Variants in CAVIN4 observed in about 807,000 individuals in gnomAD.
CAVIN4 encodes the protein caveolae associated protein 4.
Under a neutral mutation model 18.6 loss-of-function variants are expected in CAVIN4, and 10 were observed. The observed-to-expected ratio is 0.54, with a 90% CI of 0.33 to 0.91. The LOEUF (loss-of-function observed/expected upper bound fraction) is 0.91, where lower values mean the gene tolerates loss of function less well. Among genes scored for constraint, CAVIN4 ranks in the 40% least tolerant of loss-of-function variants. CAVIN4 has a pLI of 0.02. For synonymous variants in CAVIN4, 173 were observed against 164.8 expected, an observed-to-expected ratio of 1.05 and a Z score of -0.38; for missense variants, 459 against 440.5, an observed-to-expected ratio of 1.04 and a Z score of -0.38.
At chr9:100,585,630 A>T in intron 1 of CAVIN4, 135 bp from the exon 2 acceptor site, 3 of 751,354 alleles carry the variant, frequency 4.0e-6, no homozygotes, top group Non-Finnish European at 6.8e-6. Context: ...GAGAAACCCT[A>T]AGAAATGGTA....
intron 1 of CAVIN4, among the ~76,000 whole-genome samples, chr9:100,581,912 A>C (rs1253642781): frequency 2.6e-5 from 4 of 152,210 alleles, no homozygotes; most frequent in Non-Finnish European, 5.9e-5. Flanking sequence ...TCAGAGAGCT[A>C]TGAGACGCCC....
Position 100,587,177 on chromosome 9 carries a change from T to A in CAVIN4, c.*726T>A, listed in dbSNP as rs1225297473. On this transcript the variant is annotated 3_prime_UTR_variant, in exon 2 of 2. Transcript: ENST00000307584. ...TCCTAGGTTGGAGAGAAACTAAAGCTGGTCTTCAGAAGCCTTTTCACAGAA... is the reference window on the plus strand; with the variant it reads ...TCCTAGGTTGGAGAGAAACTAAAGCAGGTCTTCAGAAGCCTTTTCACAGAA... 1 of 152,210 alleles carries A rather than the reference T, an allele frequency of 6.6e-6. No individual in the cohort carries two copies. The highest frequency in any genetic ancestry group is 2.4e-5 in the African/African-American group (1 of 41,440). 9.4% of individuals were successfully genotyped at this position (152,210 alleles called of 1,614,324 possible). A position where few individuals can be genotyped will look rare whatever the true frequency, so the allele number is the denominator to read the frequency against.
In CAVIN4 at chr9:100,586,417, A is replaced by G. The variant is rs1256422875; in HGVS notation, c.1061A>G (p.Glu354Gly). Residue 354 changes from glutamate (E) to glycine (G), a missense_variant, in exon 2 of 2, where the codon GAA becomes GGA. Coordinates refer to ENST00000307584, the MANE Select transcript of CAVIN4 (RefSeq NM_001018116.2). Reference sequence around the variant, plus strand: ...TCTCAGGTGAAAGTAGAGGATGATGAATCTCTTTTGTTAGATTTAAAGCAC... The same window carrying G: ...TCTCAGGTGAAAGTAGAGGATGATGGATCTCTTTTGTTAGATTTAAAGCAC... ...FKSQVKVEDD[E>G]SLLLDLKHSS is the part of the protein sequence containing the mutation. 2 of 1,613,982 alleles carry G rather than the reference A, an allele frequency of 1.2e-6. No individual in the cohort carries two copies. Among genetic ancestry groups the G allele is most frequent in the East Asian group, 4.5e-5 (2 of 44,892 alleles).
rs1470506582 is a variant in CAVIN4 at position 100,578,109 on chromosome 9, G to A, written c.-35G>A. On this transcript the variant is annotated 5_prime_UTR_variant, in exon 1 of 2. In the 5' UTR this introduces an upstream ATG that the reference lacks. Transcript: ENST00000307584. Reference sequence around the variant, plus strand: ...TTTGCTCCAAGTGCCAGAATTGATTGTGGTTAGGACATCTTACGCTGAGAA... The same window carrying A: ...TTTGCTCCAAGTGCCAGAATTGATTATGGTTAGGACATCTTACGCTGAGAA... 4 of 1,610,684 alleles carry A rather than the reference G, an allele frequency of 2.5e-6. No individual in the cohort carries two copies. The highest frequency in any genetic ancestry group is 2.5e-6 in the Non-Finnish European group (3 of 1,178,474).
upstream of CAVIN4, chr9:100,578,024 C>G (rs1026300846): frequency 6.6e-6 from 6 of 914,536 alleles, no homozygotes; most frequent in Admixed American, 5.9e-5. Context: ...CTTGACCGTT[C>G]TCTAGGGGTG....
In CAVIN4 at chr9:100,585,700, A is replaced by C. The variant is rs993241024; in HGVS notation, c.409-65A>C. On this transcript the variant is annotated intron_variant, in intron 1 of 1. Coordinates refer to ENST00000307584, the MANE Select transcript of CAVIN4 (RefSeq NM_001018116.2). ...TGGAGATTTACAAGGCATGGCCAGA[A>C]GGTAAAAGAGCTGCTCTATAGTGCA... The C allele has an allele frequency of 6.4e-6, 8 of 1,252,164 alleles. No individual in the cohort carries two copies. In the Admixed American group the frequency reaches 1.4e-4, roughly 22 times the overall value. 77.6% of individuals were successfully genotyped at this position (1,252,164 alleles called of 1,614,324 possible). A position where few individuals can be genotyped will look rare whatever the true frequency, so the allele number is the denominator to read the frequency against.
chr9:100,579,762 A>G (rs1250151976), intron 1 of CAVIN4, among the ~76,000 whole-genome samples: 1 of 152,192 alleles, frequency 6.6e-6, no homozygotes, highest in African/African-American at 2.4e-5. Flanking sequence ...AGAAGAATAT[A>G]AACTAAATGA....
At position 100,588,113 on chromosome 9, in the gene CAVIN4, A is replaced by G. The variant is rs1839503163; in HGVS notation, c.*1662A>G. 6.6e-6 allele frequency among the ~76,000 whole-genome samples: 1 copy of G among 152,228 alleles called. No homozygotes were observed. The highest frequency in any genetic ancestry group is 1.5e-5 in the Non-Finnish European group (1 of 68,038). ...TAAGTGTACACATATACACACAGGCATACATAAATCGGCTTTAAAATATTT... is the reference window on the plus strand; with the variant it reads ...TAAGTGTACACATATACACACAGGCGTACATAAATCGGCTTTAAAATATTT... On this transcript the variant is annotated 3_prime_UTR_variant, in exon 2 of 2. Coordinates refer to ENST00000307584, the MANE Select transcript of CAVIN4 (RefSeq NM_001018116.2).
Position 100,585,837 on chromosome 9 carries a change from G to A in CAVIN4, c.481G>A (p.Asp161Asn), listed in dbSNP as rs1385539207. The change falls in exon 2 of 2, where the codon GAT becomes AAT. Residue 161 changes from aspartate (D) to asparagine (N), a missense_variant. Asp to Asn is a conservative substitution (Grantham distance 23). Coordinates refer to ENST00000307584, the MANE Select transcript of CAVIN4 (RefSeq NM_001018116.2). ...CCTAACTGAGAACCAAGAAGAGGAT[G>A]ATGATGATATCTTTGATCCCCCAGT... ...RNLTENQEED[D>N]DDIFDPPVDL... The A allele has an allele frequency of 6.2e-7, 1 of 1,614,076 alleles. No individual in the cohort carries two copies. The highest frequency in any genetic ancestry group is 8.5e-7 in the Non-Finnish European group (1 of 1,180,016).
chr9:100,578,587 A>T (rs767550415), intron 1 of CAVIN4, 36 bp downstream of exon 1: 1 of 1,604,766 alleles, frequency 6.2e-7, no homozygotes, highest in Middle Eastern at 1.7e-4. Flanking sequence ...GCTTGTTCTA[A>T]TCTCTTGCAT....
chr9:100,585,835 A>T lies in CAVIN4; in HGVS notation c.479A>T (p.Asp160Val). The T allele has an allele frequency of 3.1e-6, 5 of 1,614,086 alleles. No homozygotes were observed. The highest frequency in any genetic ancestry group is 4.2e-6 in the Non-Finnish European group (5 of 1,179,930). ...DRNLTENQEE[D>V]DDDIFDPPVD... ...AACCTAACTGAGAACCAAGAAGAGG[A>T]TGATGATGATATCTTTGATCCCCCA... Residue 160 changes from aspartate to valine, a missense_variant, in exon 2 of 2, where the codon GAT becomes GTT. Transcript: ENST00000307584.
rs1839472155 is a variant in CAVIN4 at position 100,585,999 on chromosome 9, G to C, written c.643G>C (p.Asp215His). Residue 215 changes from aspartate (D) to histidine (H), a missense_variant, in exon 2 of 2, where the codon GAC (aspartate) becomes CAC (histidine). Coordinates refer to ENST00000307584, the MANE Select transcript of CAVIN4 (RefSeq NM_001018116.2). ...ENMQKTRQNLDKKVNRIRTRI... is the reference protein window; with the variant it reads ...ENMQKTRQNLHKKVNRIRTRI... ...CATGCAGAAGACACGGCAGAATCTT[G>C]ACAAGAAAGTGAACAGAATTAGAAC... The C allele has an allele frequency of 2.5e-6, 4 of 1,614,034 alleles. No homozygotes were observed. Among genetic ancestry groups the C allele is most frequent in the Non-Finnish European group, 3.4e-6 (4 of 1,180,040 alleles).
chr9:100,581,011 C>T (rs1211413885), intron 1 of CAVIN4: 1 of 152,126 alleles, frequency 6.6e-6, no homozygotes, highest in Admixed American at 6.5e-5. Context: ...AACTTGAAAC[C>T]AAGCAATTCA....
rs754788547 is a variant in CAVIN4 at position 100,585,989 on chromosome 9, G to A, written c.633G>A (p.Arg211=). The change falls in exon 2 of 2, where the codon CGG becomes CGA. Residue 211 remains arginine (R), a synonymous_variant. Transcript: ENST00000307584. The part of the protein sequence containing the change: ...AFSKENMQKT[R]QNLDKKVNRI... Reference sequence around the variant, plus strand: ...CCAAAGAAAACATGCAGAAGACACGGCAGAATCTTGACAAGAAAGTGAACA... The same window carrying A: ...CCAAAGAAAACATGCAGAAGACACGACAGAATCTTGACAAGAAAGTGAACA... 9 of 1,614,134 alleles carry A rather than the reference G, an allele frequency of 5.6e-6. No homozygotes were observed. Among genetic ancestry groups the A allele is most frequent in the Non-Finnish European group, 6.8e-6 (8 of 1,180,022 alleles).
At chr9:100,584,210 C>T (rs914011909) in intron 1 of CAVIN4, among the ~76,000 whole-genome samples, 9 of 152,200 alleles carry the variant, frequency 5.9e-5, no homozygotes, top group African/African-American at 1.7e-4. Flanking sequence ...CCTTCCTTGT[C>T]GCTGCATATT....
intron 1 of CAVIN4, among the ~76,000 whole-genome samples, chr9:100,583,216 T>C (rs1390461870): frequency 6.6e-6 from 1 of 152,196 alleles, no homozygotes; most frequent in East Asian, 1.9e-4. Flanking sequence ...AGCTGCCTGC[T>C]CAGTGCCTCT....
At chr9:100,582,420 A>T (rs1378531652) in intron 1 of CAVIN4, among the ~76,000 whole-genome samples, 1 of 152,132 alleles carries the variant, frequency 6.6e-6, no homozygotes, top group African/African-American at 2.4e-5. Context: ...ATCATAGCTC[A>T]CTGCAGCCTC....
In CAVIN4 at chr9:100,586,008, G is replaced by A; in HGVS notation, c.652G>A (p.Val218Met). ...QKTRQNLDKK[V>M]NRIRTRIVTP... The stretch of plus-strand genomic sequence containing the variant: ...GACACGGCAGAATCTTGACAAGAAA[G>A]TGAACAGAATTAGAACTAGAATAGT... The change falls in exon 2 of 2, where the codon GTG becomes ATG. Residue 218 changes from valine (V) to methionine (M), a missense_variant. Transcript: ENST00000307584. The A allele has an allele frequency of 1.2e-6, 2 of 1,614,174 alleles. No individual in the cohort carries two copies. The highest frequency in any genetic ancestry group is 1.7e-5 in the Admixed American group (1 of 60,010).
chr9:100,583,650 TTCATTCA>T (rs869161327), intron 1 of CAVIN4, among the ~76,000 whole-genome samples: 129 of 105,240 alleles, frequency 1.2e-3, no homozygotes, highest in African/African-American at 4.0e-3. Flanking sequence ...CATTCATTCA[TTCATTCA>T]TTTTTTTTAG....
Sources: gnomAD v4.1 joint callset for allele counts (sites outside exome capture counted in the v4.1 genomes callset) on GRCh38, gnomAD v4.1.1 for gene constraint, MANE v1.5 for transcripts, NCBI Gene and HGNC (gene_info 2026-07-23, HGNC 2026-07-21) for gene names.